Variants in MYADM observed in about 807,000 individuals in gnomAD.
The protein encoded by MYADM is myeloid associated differentiation marker.
For missense variants in MYADM, 416 were observed against 443.4 expected (o/e 0.94, Z 0.56); for synonymous variants, 224 against 210.2 (o/e 1.07, Z -0.57).
upstream of MYADM, chr19:53,866,355 C>T (rs138870780): frequency 0.016 from 2,397 of 152,078 alleles, 33 homozygotes; most frequent in Non-Finnish European, 0.027. This position sits in a 1 kb window ranked among gnomAD's most constrained non-coding sequence, Gnocchi z 4.3. Context: ...TCCGCAGCCG[C>T]CACCAGGCCC....
At position 53,872,589 on chromosome 19, in the gene MYADM, C is replaced by T. The variant is rs1283432095; in HGVS notation, c.-2-939C>T. 4 of 152,084 alleles carry T rather than the reference C, an allele frequency of 2.6e-5. No homozygotes were observed. The East Asian group carries it at 7.7e-4, about 29-fold the overall frequency. 9.4% of individuals were successfully genotyped at this position (152,084 alleles called of 1,614,324 possible). A position where few individuals can be genotyped will look rare whatever the true frequency, so the allele number is the denominator to read the frequency against. On this transcript the variant is annotated intron_variant, in intron 2 of 2. Transcript: ENST00000391770. ...CTGGTGCATCACAGCTCACTGCAGC[C>T]CTGACCCCACAGGCTCAAGCAATCC...
At chr19:53,867,414 C>A (rs1464314325), upstream of MYADM, among the ~76,000 whole-genome samples, 1 of 145,774 alleles carries the variant, frequency 6.9e-6, no homozygotes, top group Non-Finnish European at 1.5e-5. Context: ...GGGGTGGGGG[C>A]GGAACAGACC....
chr19:53,873,986 A>G lies in MYADM; in HGVS notation c.457A>G (p.Thr153Ala). The G allele has an allele frequency of 6.2e-7, 1 of 1,609,016 alleles. No individual in the cohort carries two copies. Among genetic ancestry groups the G allele is most frequent in the Non-Finnish European group, 8.5e-7 (1 of 1,179,968 alleles). The change falls in exon 3 of 3, where the codon ACC becomes GCC. Residue 153 changes from threonine to alanine, a missense_variant. By Grantham distance (58) the Thr-to-Ala change is moderately conservative. Coordinates refer to ENST00000391770, the MANE Select transcript of MYADM (RefSeq NM_138373.5). The surrounding 1 kb of genome is among the most constrained non-coding windows in gnomAD (Gnocchi z 4.3). ...CTGCATCGCGTGTGTGGCTTACGCC[A>G]CCGAAGTGGCCTGGACCCGGGCCCG... ...FSCIACVAYA[T>A]EVAWTRARPG... is the part of the protein sequence containing the mutation.
Position 53,873,640 on chromosome 19 carries a change from T to C in MYADM, c.111T>C (p.Gly37=). Residue 37 remains glycine, a synonymous_variant, in exon 3 of 3, where the codon GGT becomes GGC. Coordinates refer to ENST00000391770, the MANE Select transcript of MYADM (RefSeq NM_138373.5). This position sits in a 1 kb window ranked among gnomAD's most constrained non-coding sequence, Gnocchi z 4.3. ...CTCGGGCCCTGACACAGCCCCTGGG[T>C]CTCCTTCGCCTGCTGCAGCTGGTGT... ...GSPRALTQPL[G]LLRLLQLVST... is the part of the protein sequence containing the mutation. 1 of 1,614,020 alleles carries C rather than the reference T, an allele frequency of 6.2e-7. No individual in the cohort carries two copies. The highest frequency in any genetic ancestry group is 8.5e-7 in the Non-Finnish European group (1 of 1,179,990).
In MYADM at chr19:53,875,760, GA is replaced by G. The variant is rs2068521862; in HGVS notation, c.*1264del. 1.3e-5 allele frequency: 2 copies of G among 155,126 alleles called. No individual in the cohort carries two copies. Among genetic ancestry groups the G allele is most frequent in the Admixed American group, 1.3e-4 (2 of 15,238 alleles). 9.6% of individuals were successfully genotyped at this position (155,126 alleles called of 1,614,324 possible). A position where few individuals can be genotyped will look rare whatever the true frequency, so the allele number is the denominator to read the frequency against. On this transcript the variant is annotated 3_prime_UTR_variant, in exon 3 of 3. Coordinates refer to ENST00000391770, the MANE Select transcript of MYADM (RefSeq NM_138373.5). ...GGTATTTGGGGGGACTGAGACAGGAGAATCCCTTCAACCCGGGAGGTGGAGG... is the reference window on the plus strand; with the variant it reads ...GGTATTTGGGGGGACTGAGACAGGAGATCCCTTCAACCCGGGAGGTGGAGG...
Position 53,874,139 on chromosome 19 carries a change from G to A in MYADM, c.610G>A (p.Glu204Lys), listed in dbSNP as rs750474173. The change falls in exon 3 of 3, where the codon GAG becomes AAG. Residue 204 changes from glutamate (E) to lysine (K), a missense_variant. Glu to Lys is a moderately conservative substitution (Grantham distance 56). Transcript: ENST00000391770. ...PNLYQHQPAL[E>K]WCVAVYAICF... is the part of the protein sequence containing the mutation. ...CCTGTACCAGCACCAGCCGGCCCTG[G>A]AGTGGTGCGTGGCGGTGTACGCCAT... 21 of 1,613,568 alleles carry A rather than the reference G, an allele frequency of 1.3e-5. No homozygotes were observed. The South Asian group carries it at 2.0e-4, about 15-fold the overall frequency.
intron 2 of MYADM, among the ~76,000 whole-genome samples, chr19:53,871,105 C>T (rs1164311322): frequency 6.6e-6 from 1 of 152,212 alleles, no homozygotes; most frequent in Non-Finnish European, 1.5e-5. Flanking sequence ...GTGGCACACA[C>T]CTGTAATCCC....
At chr19:53,870,441 G>A (rs949781139) in intron 2 of MYADM, among the ~76,000 whole-genome samples, 1 of 151,346 alleles carries the variant, frequency 6.6e-6, no homozygotes, top group African/African-American at 2.5e-5. Flanking sequence ...AGGGAGGAGG[G>A]GCTGGGGTCT....
intron 1 of MYADM, chr19:53,869,172 T>C (rs1463895997): frequency 6.6e-6 from 1 of 152,284 alleles, no homozygotes; most frequent in Non-Finnish European, 1.5e-5. Context: ...CCGCGTGCAG[T>C]TTCCGGCCTG....
At chr19:53,867,490 C>T (rs1437434513), upstream of MYADM, among the ~76,000 whole-genome samples, 1 of 152,022 alleles carries the variant, frequency 6.6e-6, no homozygotes, top group East Asian at 1.9e-4. Flanking sequence ...GGGACCTGAG[C>T]TGGGGGGCTC....
At chr19:53,872,448 G>C (rs1213568534) in intron 2 of MYADM, among the ~76,000 whole-genome samples, 2 of 150,762 alleles carry the variant, frequency 1.3e-5, no homozygotes, top group East Asian at 3.9e-4. Flanking sequence ...CACCCACCTT[G>C]GCCTCCGAAG....
In MYADM at chr19:53,876,403, T is replaced by C. The variant is rs1353161299; in HGVS notation, c.*1905T>C. On this transcript the variant is annotated 3_prime_UTR_variant, in exon 3 of 3. Transcript: ENST00000391770. The stretch of plus-strand genomic sequence containing the variant: ...CCATTCCCGTATCCATCATGTTCTT[T>C]TTCTTTTAAATATCAATATAAAGGT... 6.0e-6 allele frequency: 1 copy of C among 166,570 alleles called. No individual in the cohort carries two copies. Among genetic ancestry groups the C allele is most frequent in the Non-Finnish European group, 1.5e-5 (1 of 68,116 alleles). 10.3% of individuals were successfully genotyped at this position (166,570 alleles called of 1,614,324 possible).
chr19:53,866,872 C>T (rs1247857561), upstream of MYADM, among the ~76,000 whole-genome samples: 3 of 152,036 alleles, frequency 2.0e-5, no homozygotes, highest in African/African-American at 7.2e-5. The surrounding 1 kb of genome is among the most constrained non-coding windows in gnomAD (Gnocchi z 4.3). Flanking sequence ...TTATGTTGCC[C>T]AGGCTGGTCT....
intron 2 of MYADM, among the ~76,000 whole-genome samples, chr19:53,871,268 A>G (rs2068380948): frequency 6.6e-6 from 1 of 152,028 alleles, no homozygotes; most frequent in Non-Finnish European, 1.5e-5. Context: ...TGAGGCCTAG[A>G]GAGAGTTCAG....
In MYADM at chr19:53,874,347, G is replaced by C. The variant is rs1175263493; in HGVS notation, c.818G>C (p.Arg273Pro). ...GAGAAGTATGGCGGCCAGCCTCGGC[G>C]CTCGAGAGATGTAAGCTGCAGCCGC... Reference protein sequence around the residue: ...FDEKYGGQPRRSRDVSCSRSH... With the variant: ...FDEKYGGQPRPSRDVSCSRSH... Residue 273 changes from arginine (R) to proline (P), a missense_variant, in exon 3 of 3, where the codon CGC becomes CCC. Coordinates refer to ENST00000391770, the MANE Select transcript of MYADM (RefSeq NM_138373.5). 6.2e-7 allele frequency: 1 copy of C among 1,613,858 alleles called. No homozygotes were observed. The highest frequency in any genetic ancestry group is 8.5e-7 in the Non-Finnish European group (1 of 1,179,746).
chr19:53,866,835 A>G (rs535903443), upstream of MYADM, among the ~76,000 whole-genome samples: 3 of 152,262 alleles, frequency 2.0e-5, no homozygotes, highest in Non-Finnish European at 4.4e-5. The surrounding 1 kb of genome is among the most constrained non-coding windows in gnomAD (Gnocchi z 4.3). Context: ...GATCATGATG[A>G]TTTATTTTTA....
chr19:53,866,643 C>G (rs1025915845), upstream of MYADM, among the ~76,000 whole-genome samples: 6 of 152,004 alleles, frequency 3.9e-5, no homozygotes, highest in Non-Finnish European at 8.8e-5. The surrounding 1 kb of genome is among the most constrained non-coding windows in gnomAD (Gnocchi z 4.3). Flanking sequence ...TTGCAGGATC[C>G]GTGAATCCAG....
chr19:53,874,250 TCGGGGCTGG>T lies in MYADM; in HGVS notation c.723_731del (p.Gly242_Ala244del). 3.1e-6 allele frequency: 5 copies of T among 1,610,240 alleles called. No homozygotes were observed. Among genetic ancestry groups the T allele is most frequent in the Non-Finnish European group, 4.2e-6 (5 of 1,177,374 alleles). On this transcript the variant is annotated inframe_deletion, in exon 3 of 3. Coordinates refer to ENST00000391770, the MANE Select transcript of MYADM (RefSeq NM_138373.5). ...ACCCATCCCCTTCCCCAGCTTCCTG[TCGGGGCTGG>T]CCTTGCTGTCTGTCCTCCTCTATGC...
chr19:53,866,831 G>A (rs2068252852), upstream of MYADM, among the ~76,000 whole-genome samples: 1 of 152,192 alleles, frequency 6.6e-6, no homozygotes, highest in African/African-American at 2.4e-5. The surrounding 1 kb of genome is among the most constrained non-coding windows in gnomAD (Gnocchi z 4.3). Context: ...TGATGATCAT[G>A]ATGATTTATT....
Sources: allele counts gnomAD v4.1 joint callset (sites outside exome capture counted in the v4.1 genomes callset), GRCh38; gene constraint gnomAD v4.1.1; non-coding constraint Gnocchi (gnomAD v3.1); transcripts MANE v1.5; gene names NCBI Gene and HGNC (gene_info 2026-07-23, HGNC 2026-07-21).